Variants in MAGI2 observed in about 807,000 individuals in gnomAD.
MAGI2 encodes the protein membrane associated guanylate kinase, WW and PDZ domain containing 2.
Under a neutral mutation model 133.3 loss-of-function variants are expected in MAGI2, and 35 were observed. The observed-to-expected ratio is 0.26, with a 90% CI of 0.20 to 0.35. MAGI2 has a LOEUF of 0.35. Ranked by LOEUF, MAGI2 falls within the 10% of genes least tolerant of loss-of-function variation. The probability of loss-of-function intolerance (pLI) is 1.00; values close to 1 mark genes in which losing one functional copy is unlikely to be tolerated. For missense variants in MAGI2, 1,636 were observed against 1,863.4 expected (o/e 0.88, Z 2.25); for synonymous variants, 729 against 710.6 (o/e 1.03, Z -0.41).
intron 6 of MAGI2, among the ~76,000 whole-genome samples, chr7:78,463,306 A>C (rs1790262306): frequency 6.6e-6 from 1 of 152,230 alleles, no homozygotes; most frequent in Admixed American, 6.5e-5. Flanking sequence ...ACAGGGAAAC[A>C]TACATAGTAG....
intron 2 of MAGI2, among the ~76,000 whole-genome samples, chr7:78,744,050 G>C (rs1383668113): frequency 6.6e-6 from 1 of 152,084 alleles, no homozygotes; most frequent in Non-Finnish European, 1.5e-5. Context: ...TACATAAAGA[G>C]AAGAAATGCT....
At chr7:78,166,670 AG>A (rs1825650755) in intron 15 of MAGI2, among the ~76,000 whole-genome samples, 1 of 152,186 alleles carries the variant, frequency 6.6e-6, no homozygotes. Context: ...CACATGAATA[AG>A]CCTTATCCTC....
intron 2 of MAGI2, among the ~76,000 whole-genome samples, chr7:78,883,600 G>C (rs953208802): frequency 6.6e-6 from 1 of 152,000 alleles, no homozygotes; most frequent in Admixed American, 6.6e-5. Context: ...TGGAGGCATC[G>C]CATTATCCAA....
chr7:78,759,103 A>G (rs570993113), intron 2 of MAGI2, among the ~76,000 whole-genome samples: 21 of 152,316 alleles, frequency 1.4e-4, no homozygotes, highest in African/African-American at 5.1e-4. Context: ...CTACCTATAT[A>G]AACATATTTT....
intron 2 of MAGI2, among the ~76,000 whole-genome samples, chr7:78,781,291 A>C (rs1025484875): frequency 2.0e-5 from 3 of 150,202 alleles, no homozygotes; most frequent in African/African-American, 7.3e-5. Flanking sequence ...AGGCAGGAGA[A>C]TGGCATGAAC....
intron 6 of MAGI2, among the ~76,000 whole-genome samples, chr7:78,390,580 G>A (rs1018789093): frequency 6.8e-6 from 1 of 147,936 alleles, no homozygotes; most frequent in African/African-American, 2.5e-5. Flanking sequence ...TGAAGGAATG[G>A]CCATTTACAG....
At chr7:78,341,674 A>G (rs1237136422) in intron 9 of MAGI2, among the ~76,000 whole-genome samples, 6 of 152,212 alleles carry the variant, frequency 3.9e-5, no homozygotes, top group Non-Finnish European at 7.3e-5. Flanking sequence ...CAAACATCTG[A>G]TCTTTGACAA....
chr7:78,529,667 G>GTT (rs1563128653), intron 3 of MAGI2, among the ~76,000 whole-genome samples: 20 of 56,336 alleles, frequency 3.6e-4, no homozygotes, highest in African/African-American at 1.1e-3. Context: ...TAAAGGAGAT[G>GTT]GTTTTTTTTT....
chr7:78,167,340 C>T (rs185012153), intron 15 of MAGI2, among the ~76,000 whole-genome samples: 2 of 152,206 alleles, frequency 1.3e-5, no homozygotes, highest in Admixed American at 6.5e-5. Context: ...TTGGTGGATT[C>T]CTTTATGAAG....
At chr7:78,841,057 C>G (rs192310901) in intron 2 of MAGI2, among the ~76,000 whole-genome samples, 2 of 152,114 alleles carry the variant, frequency 1.3e-5, no homozygotes, top group East Asian at 3.9e-4. Flanking sequence ...CATACTTTGT[C>G]CTCCATTTTG....
intron 2 of MAGI2, among the ~76,000 whole-genome samples, chr7:78,827,330 G>A (rs1403200571): frequency 6.6e-6 from 1 of 152,116 alleles, no homozygotes; most frequent in Non-Finnish European, 1.5e-5. Flanking sequence ...TAAGGCTGCA[G>A]TGCAGTAGCA....
At chr7:78,717,270 A>G (rs1819807844) in intron 2 of MAGI2, among the ~76,000 whole-genome samples, 1 of 109,236 alleles carries the variant, frequency 9.2e-6, no homozygotes. Context: ...ATACCACACA[A>G]CACAGCACAC....
intron 3 of MAGI2, among the ~76,000 whole-genome samples, chr7:78,525,814 A>G (rs1019594846): frequency 6.6e-5 from 10 of 152,224 alleles, no homozygotes; most frequent in African/African-American, 2.4e-4. Flanking sequence ...TACTACTGTT[A>G]TTACCACTAT....
At position 79,171,775 on chromosome 7, in the gene MAGI2, T is replaced by A. The variant is rs868268400; in HGVS notation, c.302-164569A>T. ...ATATATATATATATATATATATTTT[T>A]TTTTTTTTTTTCTTTTAAAGGGTCT... On this transcript the variant is annotated intron_variant, in intron 1 of 21. Coordinates refer to ENST00000354212, the MANE Select transcript of MAGI2 (RefSeq NM_012301.4). 9.1e-3 allele frequency among the ~76,000 whole-genome samples: 775 copies of A among 84,710 alleles called. 6 individuals are homozygous for A. The highest frequency in any genetic ancestry group is 0.044 in the East Asian group (113 of 2,540). The allele number at this position is 84,710 out of a possible 152,430, so 55.6% of individuals were successfully genotyped here.
At chr7:78,333,766 T>G (rs975531163) in intron 9 of MAGI2, among the ~76,000 whole-genome samples, 30 of 152,336 alleles carry the variant, frequency 2.0e-4, no homozygotes, top group African/African-American at 6.5e-4. Context: ...GCCCTGCGCA[T>G]GCTAGCCCCA....
intron 1 of MAGI2, among the ~76,000 whole-genome samples, chr7:79,449,897 T>TATATATATATATATATATATATATAAAA (rs1491494586): frequency 7.6e-6 from 1 of 132,324 alleles, no homozygotes; most frequent in African/African-American, 2.7e-5. Context: ...TATATATATA[T>TATATATATATATATATATATATATAAAA]AATGTCTTAA....
At position 78,872,790 on chromosome 7, in the gene MAGI2, T is replaced by C. The variant is rs1795136233; in HGVS notation, c.418+134300A>G. On this transcript the variant is annotated intron_variant, in intron 2 of 21. Transcript: ENST00000354212. ...CTTAAGACAGAGAGAAGAAGATTCT[T>C]AACATAAGAGAAGTATCTATTTTAT... 2.0e-5 allele frequency among the ~76,000 whole-genome samples: 3 copies of C among 152,258 alleles called. No homozygotes were observed. In the South Asian group the frequency reaches 6.2e-4, roughly 32 times the overall value.
chr7:78,304,279 A>G (rs1169264333), intron 9 of MAGI2, among the ~76,000 whole-genome samples: 2 of 152,128 alleles, frequency 1.3e-5, no homozygotes, highest in Non-Finnish European at 2.9e-5. Flanking sequence ...GGCTCATGCT[A>G]TCTTTCTGAC....
chr7:78,549,880 C>T (rs1409267881), intron 3 of MAGI2, among the ~76,000 whole-genome samples: 5 of 152,146 alleles, frequency 3.3e-5, no homozygotes, highest in Admixed American at 6.5e-5. Context: ...TTGCTTTTGG[C>T]TTACCTAGAG....
Sources: gnomAD v4.1 joint callset for allele counts (sites outside exome capture counted in the v4.1 genomes callset) on GRCh38, gnomAD v4.1.1 for gene constraint, MANE v1.5 for transcripts, NCBI Gene and HGNC (gene_info 2026-07-23, HGNC 2026-07-21) for gene names.